Variants in RUSC2 observed in about 807,000 individuals in gnomAD.
RUSC2 encodes the protein AP-4 complex accessory subunit RUSC2.
In RUSC2, 34 loss-of-function variants were observed where a neutral mutation model predicts 122.2. That is an observed-to-expected ratio of 0.28 (90% confidence interval 0.21 to 0.37). The LOEUF is 0.37. Among genes scored for constraint, RUSC2 ranks in the 10% least tolerant of loss-of-function variants. The pLI is 1.00. For synonymous variants in RUSC2, 784 were observed against 790.0 expected (o/e 0.99, Z 0.13); for missense variants, 1,747 against 1,952.4 (o/e 0.89, Z 1.98).
At chr9:35,552,852 T>C (rs959459119) in intron 2 of RUSC2, among the ~76,000 whole-genome samples, 1 of 152,222 alleles carries the variant, frequency 6.6e-6, no homozygotes, top group African/African-American at 2.4e-5. Flanking sequence ...AGGGTAGAAC[T>C]AAGACCCATT....
At chr9:35,511,355 A>C (rs1312219430) in intron 1 of RUSC2, among the ~76,000 whole-genome samples, 1 of 152,172 alleles carries the variant, frequency 6.6e-6, no homozygotes, top group Non-Finnish European at 1.5e-5. Flanking sequence ...TCCCACTGGC[A>C]GTAGAGGGAG....
At position 35,555,493 on chromosome 9, in the gene RUSC2, A is replaced by G; in HGVS notation, c.2448A>G (p.Pro816=). ...CCACAGCCACAGAAAGCCTGCCCCCATGGAGCCACTCCTGTCCTTCTGCTG... is the reference window on the plus strand; with the variant it reads ...CCACAGCCACAGAAAGCCTGCCCCCGTGGAGCCACTCCTGTCCTTCTGCTG... ...EQPTATESLP[P]WSHSCPSAVR... The change falls in exon 3 of 12, where the codon CCA becomes CCG. Residue 816 remains proline (P), a synonymous_variant. Coordinates refer to ENST00000361226, the MANE Select transcript of RUSC2 (RefSeq NM_014806.5). This position sits in a 1 kb window ranked among gnomAD's most constrained non-coding sequence, Gnocchi z 4.6. The G allele has an allele frequency of 1.2e-6, 2 of 1,614,112 alleles. No individual in the cohort carries two copies. The highest frequency in any genetic ancestry group is 1.7e-5 in the Admixed American group (1 of 60,020).
intron 1 of RUSC2, among the ~76,000 whole-genome samples, chr9:35,500,251 C>T: frequency 6.7e-6 from 1 of 150,186 alleles, no homozygotes; most frequent in East Asian, 2.0e-4. Flanking sequence ...GAGCAAGTCA[C>T]ATCTTACATA....
intron 1 of RUSC2, among the ~76,000 whole-genome samples, chr9:35,529,055 G>A (rs945902687): frequency 3.6e-4 from 55 of 152,098 alleles, no homozygotes; most frequent in African/African-American, 1.3e-3. Flanking sequence ...ATTATATTCC[G>A]TTACATGGGT....
intron 1 of RUSC2, among the ~76,000 whole-genome samples, chr9:35,507,161 C>T (rs1237875955): frequency 1.3e-5 from 2 of 152,066 alleles, no homozygotes; most frequent in East Asian, 3.8e-4. Context: ...AAATTTAAAT[C>T]ACCTATAATC....
At position 35,547,015 on chromosome 9, in the gene RUSC2, G is replaced by C. The variant is rs376434474; in HGVS notation, c.494G>C (p.Arg165Pro). Residue 165 changes from arginine to proline, a missense_variant, in exon 2 of 12, where the codon CGG becomes CCG. Transcript: ENST00000361226. The surrounding 1 kb of genome is among the most constrained non-coding windows in gnomAD (Gnocchi z 4.6). Reference protein sequence around the residue: ...VGRPWGTTRSRAGVVEGQEQE... With the variant: ...VGRPWGTTRSPAGVVEGQEQE... ...AGGCCATGGGGGACAACACGCAGTC[G>C]GGCTGGAGTGGTGGAAGGGCAGGAA... is the stretch of plus-strand genomic sequence containing the variant. 6.2e-7 allele frequency: 1 copy of C among 1,606,260 alleles called. No individual in the cohort carries two copies. The highest frequency in any genetic ancestry group is 1.3e-5 in the African/African-American group (1 of 74,946).
At chr9:35,519,797 TCTTA>T (rs1477810049) in intron 1 of RUSC2, among the ~76,000 whole-genome samples, 5 of 152,212 alleles carry the variant, frequency 3.3e-5, no homozygotes, top group African/African-American at 9.7e-5. Context: ...ATGTACAATA[TCTTA>T]CTTATTTTTA....
chr9:35,517,230 A>T (rs187680763), intron 1 of RUSC2, among the ~76,000 whole-genome samples: 2 of 152,328 alleles, frequency 1.3e-5, no homozygotes, highest in East Asian at 3.9e-4. Flanking sequence ...TTACAGAAAA[A>T]GTAGGTGTCA....
rs1821819604 is a variant in RUSC2, at chr9:35,548,477, T to C, written c.1956T>C (p.Ala652=). 6.2e-7 allele frequency: 1 copy of C among 1,613,722 alleles called. No homozygotes were observed. The highest frequency in any genetic ancestry group is 8.5e-7 in the Non-Finnish European group (1 of 1,179,992). ...PLAQLMDPGP[A]LPGSPANSHT... Reference sequence around the variant, plus strand: ...CTCAGCTGATGGATCCAGGGCCTGCTCTCCCAGGGAGCCCAGCCAACAGCC... The same window carrying C: ...CTCAGCTGATGGATCCAGGGCCTGCCCTCCCAGGGAGCCCAGCCAACAGCC... Residue 652 remains alanine, a synonymous_variant, in exon 2 of 12, where the codon GCT becomes GCC. Transcript: ENST00000361226. This position sits in a 1 kb window ranked among gnomAD's most constrained non-coding sequence, Gnocchi z 4.5.
chr9:35,532,203 T>C (rs1821434471), intron 1 of RUSC2, among the ~76,000 whole-genome samples: 1 of 152,188 alleles, frequency 6.6e-6, no homozygotes, highest in Admixed American at 6.5e-5. Context: ...GTTTTCGATA[T>C]GTTGAATTTG....
rs561888903 is a variant in RUSC2, at chr9:35,536,182, T to C, written c.-92-10248T>C. On this transcript the variant is annotated intron_variant, in intron 1 of 11. Transcript: ENST00000361226. ...TATGCTTTTTCTTATAAAATGATGA[T>C]CATCAAAGTAAAGTTTTTTGTAATG... Among the ~76,000 whole-genome samples the C allele has an allele frequency of 3.5e-3, 238 of 67,492 alleles. 3 individuals carry two copies. Among genetic ancestry groups the C allele is most frequent in the Middle Eastern group, 7.7e-3 (1 of 130 alleles). 44.3% of individuals were successfully genotyped at this position (67,492 alleles called of 152,430 possible).
intron 1 of RUSC2, among the ~76,000 whole-genome samples, chr9:35,525,963 G>A (rs370871646): frequency 1.2e-4 from 18 of 152,238 alleles, no homozygotes; most frequent in African/African-American, 3.9e-4. Context: ...GTGATGGCAC[G>A]TGCCTGTAGT....
chr9:35,519,401 C>T (rs1821168498), intron 1 of RUSC2, among the ~76,000 whole-genome samples: 1 of 152,212 alleles, frequency 6.6e-6, no homozygotes, highest in African/African-American at 2.4e-5. Flanking sequence ...CTCCCCTTCA[C>T]CTACTGGAAT....
chr9:35,501,807 G>A (rs1820822268), intron 1 of RUSC2, among the ~76,000 whole-genome samples: 1 of 152,042 alleles, frequency 6.6e-6, no homozygotes, highest in Non-Finnish European at 1.5e-5. Context: ...TGAGTTTCAT[G>A]GAACCAGAAA....
chr9:35,557,219 A>G lies in RUSC2; in HGVS notation c.2984-695A>G, dbSNP rs1822041174. 6.6e-6 allele frequency among the ~76,000 whole-genome samples: 1 copy of G among 152,152 alleles called. No homozygotes were observed. The highest frequency in any genetic ancestry group is 1.5e-5 in the Non-Finnish European group (1 of 68,016). On this transcript the variant is annotated intron_variant, in intron 5 of 11. Transcript: ENST00000361226. This position sits in a 1 kb window ranked among gnomAD's most constrained non-coding sequence, Gnocchi z 4.6. ...AACTGAGCATAATTGTGGGCTGAAG[A>G]TGAGCCTGTGAAGAGAGAGCTGAAG...
At chr9:35,560,933 G>A (rs1179963973) in intron 10 of RUSC2, 27 bp from the exon 11 acceptor site, 3 of 1,609,930 alleles carry the variant, frequency 1.9e-6, no homozygotes, top group Non-Finnish European at 2.5e-6. Context: ...ATCCTGGGCA[G>A]AGCCTGAGTC....
In RUSC2 at chr9:35,548,767, C is replaced by T. The variant is rs1821828201; in HGVS notation, c.2014+232C>T. ...TGAGCAGACTGGGTGCAGTGACTCACACCTGTGATCCCAGCCCTTTGGGAG... is the reference window on the plus strand; with the variant it reads ...TGAGCAGACTGGGTGCAGTGACTCATACCTGTGATCCCAGCCCTTTGGGAG... On this transcript the variant is annotated intron_variant, in intron 2 of 11. Coordinates refer to ENST00000361226, the MANE Select transcript of RUSC2 (RefSeq NM_014806.5). This position sits in a 1 kb window ranked among gnomAD's most constrained non-coding sequence, Gnocchi z 4.5. 15 of 983,290 alleles carry T rather than the reference C, an allele frequency of 1.5e-5. No homozygotes were observed. Among genetic ancestry groups the T allele is most frequent in the Non-Finnish European group, 1.6e-5 (13 of 828,126 alleles). 60.9% of individuals were successfully genotyped at this position (983,290 alleles called of 1,614,324 possible).
intron 1 of RUSC2, among the ~76,000 whole-genome samples, chr9:35,511,940 G>A (rs534159753): frequency 3.3e-5 from 5 of 152,230 alleles, no homozygotes; most frequent in Non-Finnish European, 1.5e-5. Flanking sequence ...TAGCACTTTG[G>A]GAGGCCGAGG....
intron 1 of RUSC2, among the ~76,000 whole-genome samples, chr9:35,515,595 T>A: frequency 6.6e-6 from 1 of 152,202 alleles, no homozygotes; most frequent in East Asian, 1.9e-4. Flanking sequence ...CTTCTCTACT[T>A]TCTGGGTCTG....
Sources: gnomAD v4.1 joint callset for allele counts (sites outside exome capture counted in the v4.1 genomes callset) on GRCh38, gnomAD v4.1.1 for gene constraint, Gnocchi (gnomAD v3.1) non-coding constraint, MANE v1.5 for transcripts, NCBI Gene and HGNC (gene_info 2026-07-23, HGNC 2026-07-21) for gene names.